The following ZNF385D variants were observed in gnomAD, a reference collection of about 807,000 sequenced individuals.
ZNF385D encodes the protein zinc finger protein 385D, also known as zinc finger protein 659.
Under a neutral mutation model 35.8 loss-of-function variants are expected in ZNF385D, and 15 were observed. That is an observed-to-expected ratio of 0.42 (90% confidence interval 0.28 to 0.64). The LOEUF (loss-of-function observed/expected upper bound fraction) is 0.64, where lower values mean the gene tolerates loss of function less well. Among genes scored for constraint, ZNF385D ranks in the 30% least tolerant of loss-of-function variants. ZNF385D has a pLI of 0.23. For missense variants in ZNF385D, 474 were observed against 494.6 expected (o/e 0.96, Z 0.39); for synonymous variants, 212 against 186.8 (o/e 1.13, Z -1.10).
chr3:21,776,228 C>T (rs963179749), intron 3 of ZNF385D, among the ~76,000 whole-genome samples: 1 of 151,854 alleles, frequency 6.6e-6, no homozygotes, highest in Non-Finnish European at 1.5e-5. Flanking sequence ...AAAGGACATC[C>T]TCCTCCATTA....
chr3:21,577,202 GTTTAC>G (rs968786807), intron 2 of ZNF385D, among the ~76,000 whole-genome samples: 12 of 152,104 alleles, frequency 7.9e-5, no homozygotes, highest in Admixed American at 6.5e-4. Flanking sequence ...CTATTCTACT[GTTTAC>G]TTCTATGAAA....
intron 3 of ZNF385D, among the ~76,000 whole-genome samples, chr3:21,775,568 C>A (rs552333471): frequency 1.2e-4 from 18 of 151,786 alleles, no homozygotes; most frequent in Non-Finnish European, 2.2e-4. Flanking sequence ...GCAATTAAGA[C>A]CCTATATTGT....
intron 3 of ZNF385D, among the ~76,000 whole-genome samples, chr3:21,761,661 T>G (rs940133367): frequency 1.3e-5 from 2 of 152,018 alleles, no homozygotes; most frequent in African/African-American, 4.8e-5. Context: ...TTTGGAGGAG[T>G]GAAGAGTGCA....
At chr3:21,739,361 G>A (rs1466965829) in intron 1 of ZNF385D, among the ~76,000 whole-genome samples, 3 of 152,166 alleles carry the variant, frequency 2.0e-5, no homozygotes, top group African/African-American at 7.2e-5. Context: ...AGCTGCGGTG[G>A]AGGAGCTGCC....
intron 3 of ZNF385D, among the ~76,000 whole-genome samples, chr3:21,916,802 A>T (rs7636487): frequency 0.54 from 81,372 of 152,060 alleles, 23,830 homozygotes; most frequent in South Asian, 0.66. Flanking sequence ...GTAATAGGTA[A>T]CTTTATTTGC....
At chr3:22,105,536 C>T (rs1209459822) in intron 3 of ZNF385D, among the ~76,000 whole-genome samples, 1 of 152,014 alleles carries the variant, frequency 6.6e-6, no homozygotes, top group Non-Finnish European at 1.5e-5. Flanking sequence ...AAGCTGGAGA[C>T]CCAGGAAAGC....
At chr3:21,958,594 T>G (rs1177895508) in intron 3 of ZNF385D, among the ~76,000 whole-genome samples, 1 of 152,106 alleles carries the variant, frequency 6.6e-6, no homozygotes, top group African/African-American at 2.4e-5. Context: ...TTGTTCCAAG[T>G]CAATGAAAAT....
chr3:21,817,850 A>T (rs990699892), intron 3 of ZNF385D, among the ~76,000 whole-genome samples: 1 of 152,186 alleles, frequency 6.6e-6, no homozygotes, highest in Non-Finnish European at 1.5e-5. Flanking sequence ...TTATACGTAA[A>T]TCATGCTGCT....
chr3:22,029,465 G>A (rs1697784392), intron 3 of ZNF385D, among the ~76,000 whole-genome samples: 1 of 152,222 alleles, frequency 6.6e-6, no homozygotes, highest in East Asian at 1.9e-4. Flanking sequence ...ACCTGCTGAG[G>A]TGCTTGCTGA....
chr3:21,903,716 G>A (rs1034970447), intron 3 of ZNF385D, among the ~76,000 whole-genome samples: 3 of 152,192 alleles, frequency 2.0e-5, no homozygotes, highest in South Asian at 4.1e-4. Context: ...CCATGAACAC[G>A]TCTCTCTGGC....
chr3:21,786,341 A>C (rs1332919186), intron 3 of ZNF385D, among the ~76,000 whole-genome samples: 1 of 152,190 alleles, frequency 6.6e-6, no homozygotes, highest in Non-Finnish European at 1.5e-5. Flanking sequence ...AGTCCAAGAA[A>C]AAGCCAAGAA....
chr3:22,040,658 G>C (rs970642711), intron 3 of ZNF385D, among the ~76,000 whole-genome samples: 1 of 152,174 alleles, frequency 6.6e-6, no homozygotes, highest in Non-Finnish European at 1.5e-5. Flanking sequence ...ATGGGAACAA[G>C]GTCTTAGACT....
At chr3:21,502,776 T>C (rs764460196) in intron 4 of ZNF385D, among the ~76,000 whole-genome samples, 1 of 152,156 alleles carries the variant, frequency 6.6e-6, no homozygotes, top group Non-Finnish European at 1.5e-5. Context: ...ATCACACATC[T>C]TGAGAAGGGA....
At chr3:22,300,498 G>A (rs189535042) in intron 2 of ZNF385D, among the ~76,000 whole-genome samples, 1 of 151,698 alleles carries the variant, frequency 6.6e-6, no homozygotes, top group East Asian at 1.9e-4. Flanking sequence ...ACAGAGAAGA[G>A]ACAACCTATA....
At chr3:21,899,848 T>A (rs921322574) in intron 3 of ZNF385D, among the ~76,000 whole-genome samples, 2 of 152,068 alleles carry the variant, frequency 1.3e-5, no homozygotes, top group African/African-American at 4.8e-5. Context: ...CTACTCCCAA[T>A]AGTATCAGAA....
At chr3:21,733,188 T>C (rs2069094878) in intron 1 of ZNF385D, among the ~76,000 whole-genome samples, 1 of 152,216 alleles carries the variant, frequency 6.6e-6, no homozygotes, top group South Asian at 2.1e-4. Flanking sequence ...CAAAGACCAG[T>C]TGCTTATCTT....
chr3:22,170,305 G>C (rs1197509959), intron 2 of ZNF385D, among the ~76,000 whole-genome samples: 1 of 152,120 alleles, frequency 6.6e-6, no homozygotes, highest in Non-Finnish European at 1.5e-5. Context: ...TGATACAAAA[G>C]CCATGGACTT....
chr3:21,427,151 A>G (rs1701058518), intron 5 of ZNF385D, among the ~76,000 whole-genome samples: 1 of 152,206 alleles, frequency 6.6e-6, no homozygotes, highest in African/African-American at 2.4e-5. Context: ...GCAGCTGCAA[A>G]TGACATAAGT....
intron 2 of ZNF385D, among the ~76,000 whole-genome samples, chr3:22,332,235 G>A (rs185528958): frequency 4.6e-5 from 7 of 152,142 alleles, no homozygotes; most frequent in Admixed American, 2.6e-4. Flanking sequence ...TTCACTCAAC[G>A]GCTAGGCAAA....
Sources: gnomAD v4.1 joint callset for allele counts (sites outside exome capture counted in the v4.1 genomes callset) on GRCh38, gnomAD v4.1.1 for gene constraint, MANE v1.5 for transcripts, NCBI Gene and HGNC (gene_info 2026-07-23, HGNC 2026-07-21) for gene names.